DBH: variants seen among roughly 807,000 people sequenced by gnomAD.
DBH encodes the protein dopamine beta-hydroxylase (dopamine beta-monooxygenase).
DBH carries 49 observed loss-of-function variants against 64.0 expected under a neutral mutation model. The observed-to-expected ratio is 0.77, with a 90% CI of 0.61 to 0.97. The LOEUF (loss-of-function observed/expected upper bound fraction) is 0.97. Among genes scored for constraint, DBH ranks in the 50% least tolerant of loss-of-function variants. The pLI is 0.00. For missense variants in DBH, 828 were observed against 826.6 expected (o/e 1.00, Z -0.02); for synonymous variants, 343 against 347.1 (o/e 0.99, Z 0.13).
At position 133,647,937 on chromosome 9, in the gene DBH, G is replaced by T. The variant is rs370974965; in HGVS notation, c.1116G>T (p.Thr372=). The change falls in exon 6 of 12, where the codon ACG becomes ACT. Residue 372 remains threonine (T), a synonymous_variant. Coordinates refer to ENST00000393056, the MANE Select transcript of DBH (RefSeq NM_000787.4). ...AGIMELGLVY[T]PVMAIPPRET... is the part of the protein sequence containing the mutation. The stretch of plus-strand genomic sequence containing the variant: ...TCATGGAGCTGGGACTGGTGTACAC[G>T]CCAGTGATGGCCATTCCACCACGGG... 1.1e-5 allele frequency: 18 copies of T among 1,613,938 alleles called. No homozygotes were observed. The highest frequency in any genetic ancestry group is 2.7e-5 in the African/African-American group (2 of 74,938).
At chr9:133,651,025 ACATC>A (rs1191064945) in intron 6 of DBH, among the ~76,000 whole-genome samples, 2 of 152,342 alleles carry the variant, frequency 1.3e-5, no homozygotes, top group African/African-American at 4.8e-5. Flanking sequence ...CCCCATGGTC[ACATC>A]CATCTTGGTC....
At position 133,647,897 on chromosome 9, in the gene DBH, G is replaced by A. The variant is rs140171769; in HGVS notation, c.1076G>A (p.Arg359His). Residue 359 changes from arginine (R) to histidine (H), a missense_variant, in exon 6 of 12, where the codon CGC (arginine) becomes CAC (histidine). Coordinates refer to ENST00000393056, the MANE Select transcript of DBH (RefSeq NM_000787.4). ...TTGTACTACACAGCCAAGCTGCGGC[G>A]CTTCAACGCGGGGATCATGGAGCTG... ...IRLYYTAKLR[R>H]FNAGIMELGL... 8.6e-5 allele frequency: 138 copies of A among 1,614,036 alleles called. 1 individual carries two copies. In the Middle Eastern group the frequency reaches 9.9e-4, roughly 12 times the overall value.
intron 6 of DBH, among the ~76,000 whole-genome samples, chr9:133,648,619 G>A (rs377483980): frequency 6.6e-6 from 1 of 152,242 alleles, no homozygotes; most frequent in Non-Finnish European, 1.5e-5. Flanking sequence ...ACTAGGTGAG[G>A]CAGTGAAGTG....
intron 2 of DBH, 49 bp downstream of exon 2, chr9:133,640,041 T>C (rs1287899539): frequency 1.2e-6 from 2 of 1,603,376 alleles, no homozygotes; most frequent in Admixed American, 1.7e-5. Flanking sequence ...GCGTGTATCA[T>C]GCTGCCATCC....
At chr9:133,657,019 C>A in intron 10 of DBH, 51 bp from the exon 11 acceptor site, 1 of 1,606,986 alleles carries the variant, frequency 6.2e-7, no homozygotes, top group Non-Finnish European at 8.5e-7. Context: ...GCCCACTGGG[C>A]TCCCTGCCCG....
intron 5 of DBH, 56 bp downstream of exon 5, chr9:133,644,376 C>T: frequency 7.0e-7 from 1 of 1,433,486 alleles, no homozygotes. Flanking sequence ...CTGTGTTGAG[C>T]CAGTGAGCAA....
chr9:133,639,105 G>T (rs1211196258), intron 1 of DBH, among the ~76,000 whole-genome samples: 1 of 151,948 alleles, frequency 6.6e-6, no homozygotes, highest in African/African-American at 2.4e-5. Flanking sequence ...TTAAAGTGGT[G>T]CTTCAGGCTG....
intron 9 of DBH, chr9:133,656,030 A>G: frequency 4.2e-6 from 1 of 237,312 alleles, no homozygotes; most frequent in South Asian, 5.9e-5. Context: ...CCTCAGAGCC[A>G]CGTTGGAGAA....
rs1194304520 is a variant in DBH, at chr9:133,656,724, G to C, written c.1562+74G>C. 4.4e-6 allele frequency: 7 copies of C among 1,583,214 alleles called. No individual in the cohort carries two copies. The East Asian group carries it at 6.7e-5, about 15-fold the overall frequency. On this transcript the variant is annotated intron_variant, in intron 10 of 11. Coordinates refer to ENST00000393056, the MANE Select transcript of DBH (RefSeq NM_000787.4). ...GAACCTCGGGCCTGTTAGGCGGCTG[G>C]GCAGATTGGAGGAGTCCAGGCTAAG...
intron 5 of DBH, among the ~76,000 whole-genome samples, chr9:133,644,955 ACG>A (rs1832164523): frequency 8.9e-6 from 1 of 112,294 alleles, no homozygotes; most frequent in Admixed American, 7.8e-5. Context: ...GCACACACAC[ACG>A]CACACACACA....
intron 6 of DBH, among the ~76,000 whole-genome samples, 180 bp downstream of exon 6, chr9:133,648,192 T>G (rs1156954158): frequency 6.6e-6 from 1 of 152,238 alleles, no homozygotes; most frequent in East Asian, 1.9e-4. Context: ...AGAGGCCATT[T>G]GTGTGTGTAT....
In DBH at chr9:133,643,785, T is replaced by A. The variant is rs1160209157; in HGVS notation, c.921+196T>A. On this transcript the variant is annotated intron_variant, in intron 4 of 11. Transcript: ENST00000393056. The surrounding 1 kb of genome is among the most constrained non-coding windows in gnomAD (Gnocchi z 5.3). ...TCTGAAATGCTTCAAGCCTTTTTTT[T>A]ATTTTCCACAGAAACGCAAGTGCCG... is the stretch of plus-strand genomic sequence containing the variant. Among the ~76,000 whole-genome samples the A allele has an allele frequency of 1.3e-5, 2 of 152,196 alleles. No individual in the cohort carries two copies. Among genetic ancestry groups the A allele is most frequent in the African/African-American group, 4.8e-5 (2 of 41,444 alleles).
At chr9:133,639,312 G>C (rs1205561274) in intron 1 of DBH, among the ~76,000 whole-genome samples, 6 of 152,084 alleles carry the variant, frequency 3.9e-5, no homozygotes, top group Non-Finnish European at 8.8e-5. Context: ...CCAGTGCAGG[G>C]TGGGCACCTG....
At position 133,656,627 on chromosome 9, in the gene DBH, G is replaced by T; in HGVS notation, c.1539G>T (p.Gln513His). The change falls in exon 10 of 12, where the codon CAG becomes CAT. Residue 513 changes from glutamine (Q) to histidine (H), a missense_variant. Transcript: ENST00000393056. ...GCGCTGTGGACGCCGGCTTCCTGCA[G>T]AAGTACTTCCACCTCATCAACAGGT... is the stretch of plus-strand genomic sequence containing the variant. ...CKSAVDAGFL[Q>H]KYFHLINRFN... is the part of the protein sequence containing the mutation. 1 of 1,612,950 alleles carries T rather than the reference G, an allele frequency of 6.2e-7. No homozygotes were observed. Among genetic ancestry groups the T allele is most frequent in the Non-Finnish European group, 8.5e-7 (1 of 1,179,996 alleles).
rs1300249754 is a variant in DBH, at chr9:133,657,203, A to G, written c.1696A>G (p.Asn566Asp). The change falls in exon 11 of 12, where the codon AAC (asparagine) becomes GAC (aspartate). Residue 566 changes from asparagine (N) to aspartate (D), a missense_variant. Asn to Asp is a conservative substitution (Grantham distance 23, BLOSUM62 1). Transcript: ENST00000393056. ...CTTCGCGCCCATCTCCATGCACTGC[A>G]ACAAGTCCTCAGCCGTCCGCTTCCA... ...YSFAPISMHC[N>D]KSSAVRFQGE... 6 of 1,613,992 alleles carry G rather than the reference A, an allele frequency of 3.7e-6. No homozygotes were observed. The highest frequency in any genetic ancestry group is 4.2e-6 in the Non-Finnish European group (5 of 1,180,052).
chr9:133,643,594 G>A lies in DBH; in HGVS notation c.921+5G>A, dbSNP rs780442080. On this transcript the variant is annotated splice_donor_5th_base_variant and intron_variant, in intron 4 of 11. Coordinates refer to ENST00000393056, the MANE Select transcript of DBH (RefSeq NM_000787.4). This position sits in a 1 kb window ranked among gnomAD's most constrained non-coding sequence, Gnocchi z 5.3. ...GCCTGGGCCCTGGGTGCCAAGGTGC[G>A]TGCCCTGCGACCCCAGCATGGTGTC... The A allele has an allele frequency of 1.2e-5, 20 of 1,612,940 alleles. 1 individual carries two copies. In the Middle Eastern group the frequency reaches 6.6e-4, roughly 53 times the overall value.
intron 7 of DBH, among the ~76,000 whole-genome samples, chr9:133,652,013 G>A (rs999129408): frequency 5.3e-5 from 8 of 152,254 alleles, no homozygotes; most frequent in South Asian, 2.1e-4. Flanking sequence ...AGACCCAGGC[G>A]GCCCTCTGGG....
chr9:133,636,817 CTG>C (rs1832059314), intron 1 of DBH, 107 bp downstream of exon 1: 5 of 1,101,094 alleles, frequency 4.5e-6, no homozygotes. Context: ...CTTCTGTCAC[CTG>C]TCAGTGTTTG....
At chr9:133,655,501 T>C (rs1354674809) in intron 9 of DBH, 1 of 152,242 alleles carries the variant, frequency 6.6e-6, no homozygotes, top group Non-Finnish European at 1.5e-5. Context: ...AAACGCGTCC[T>C]GGCCAACAGG....
Sources: allele counts gnomAD v4.1 joint callset (sites outside exome capture counted in the v4.1 genomes callset), GRCh38; gene constraint gnomAD v4.1.1; non-coding constraint Gnocchi (gnomAD v3.1); transcripts MANE v1.5; gene names NCBI Gene and HGNC (gene_info 2026-07-23, HGNC 2026-07-21).